FSTL5: variants seen among roughly 807,000 people sequenced by gnomAD.
The protein encoded by FSTL5 is follistatin like 5, also known as follistatin-related protein 5.
In FSTL5, 62 loss-of-function variants were observed where a neutral mutation model predicts 89.1. The observed-to-expected ratio is 0.70, with a 90% CI of 0.57 to 0.86. FSTL5 has a LOEUF of 0.86. Among genes scored for constraint, FSTL5 ranks in the 40% least tolerant of loss-of-function variants. The probability of loss-of-function intolerance (pLI) is 0.00; values close to 1 mark genes in which losing one functional copy is unlikely to be tolerated. For synonymous variants in FSTL5, 383 were observed against 346.2 expected (o/e 1.11, Z -1.18); for missense variants, 1,057 against 1,001.6 (o/e 1.06, Z -0.75).
At chr4:161,390,388 C>T (rs1039399603) in intron 15 of FSTL5, among the ~76,000 whole-genome samples, 1 of 151,904 alleles carries the variant, frequency 6.6e-6, no homozygotes, top group African/African-American at 2.4e-5. Flanking sequence ...GTTATTTGGC[C>T]GAGGAAGGAA....
intron 1 of FSTL5, among the ~76,000 whole-genome samples, chr4:162,117,384 G>T (rs908879404): frequency 3.9e-5 from 6 of 152,188 alleles, no homozygotes; most frequent in Non-Finnish European, 8.8e-5. Context: ...TTTTGGAGAT[G>T]CCTTTTGGTA....
At chr4:162,070,378 T>A (rs1051462943) in intron 2 of FSTL5, among the ~76,000 whole-genome samples, 1 of 151,902 alleles carries the variant, frequency 6.6e-6, no homozygotes, top group African/African-American at 2.4e-5. Context: ...ATATCTTTTG[T>A]CTATTTTTGT....
intron 7 of FSTL5, among the ~76,000 whole-genome samples, chr4:161,637,752 T>C (rs1373713654): frequency 8.4e-6 from 1 of 118,966 alleles, no homozygotes; most frequent in African/African-American, 4.0e-5. Context: ...TTTCTCAGGT[T>C]TGTCAAAGAT....
intron 11 of FSTL5, among the ~76,000 whole-genome samples, chr4:161,502,302 C>T (rs1454018069): frequency 6.6e-6 from 1 of 151,864 alleles, no homozygotes; most frequent in South Asian, 2.1e-4. Context: ...CCACTAAATA[C>T]CACTTAATCC....
chr4:161,962,919 A>T (rs961909984), intron 3 of FSTL5, among the ~76,000 whole-genome samples: 2 of 151,968 alleles, frequency 1.3e-5, no homozygotes, highest in African/African-American at 4.8e-5. Context: ...TAGATTCATG[A>T]TTTTCACAGC....
intron 6 of FSTL5, among the ~76,000 whole-genome samples, chr4:161,712,074 ATG>A (rs959585009): frequency 6.6e-6 from 1 of 152,116 alleles, no homozygotes; most frequent in Non-Finnish European, 1.5e-5. Context: ...AAGAAAAAAC[ATG>A]TGTTTGTTAC....
intron 10 of FSTL5, among the ~76,000 whole-genome samples, chr4:161,532,280 G>A (rs1158074912): frequency 6.6e-6 from 1 of 151,808 alleles, no homozygotes; most frequent in African/African-American, 2.4e-5. Flanking sequence ...ACTATGACAA[G>A]TGCTTTATAC....
chr4:161,504,790 T>C (rs1169612199), intron 11 of FSTL5, among the ~76,000 whole-genome samples: 2 of 152,040 alleles, frequency 1.3e-5, no homozygotes, highest in African/African-American at 2.4e-5. Context: ...CCTTTGGGAA[T>C]GGGAACCACT....
chr4:162,116,015 A>G (rs1429010413), intron 1 of FSTL5, among the ~76,000 whole-genome samples: 1 of 151,838 alleles, frequency 6.6e-6, no homozygotes, highest in African/African-American at 2.4e-5. Context: ...TTGAATGAAA[A>G]GAGTGTCGAG....
At chr4:161,647,334 T>G (rs961831785) in intron 7 of FSTL5, among the ~76,000 whole-genome samples, 1 of 152,186 alleles carries the variant, frequency 6.6e-6, no homozygotes. Context: ...TGTATATTGT[T>G]CCATAGGTCA....
At chr4:162,021,812 G>A (rs1326947377) in intron 3 of FSTL5, among the ~76,000 whole-genome samples, 1 of 151,874 alleles carries the variant, frequency 6.6e-6, no homozygotes, top group African/African-American at 2.4e-5. Context: ...AGAAGTTATG[G>A]CTGGGCACGA....
chr4:161,639,026 AC>A (rs1735842445), intron 7 of FSTL5, among the ~76,000 whole-genome samples: 2 of 151,312 alleles, frequency 1.3e-5, no homozygotes, highest in South Asian at 4.2e-4. Context: ...TCTATGACAA[AC>A]CCACAGCCAA....
At chr4:161,708,042 T>C (rs753494929) in intron 6 of FSTL5, among the ~76,000 whole-genome samples, 11 of 152,178 alleles carry the variant, frequency 7.2e-5, no homozygotes, top group Non-Finnish European at 1.5e-4. Flanking sequence ...TGAGTGCATG[T>C]ATTACAATAT....
chr4:162,043,218 C>T (rs16999402), intron 2 of FSTL5: 1 of 152,104 alleles, frequency 6.6e-6, no homozygotes, highest in Non-Finnish European at 1.5e-5. Context: ...TTGACACGAA[C>T]TATGGGGAAG....
At chr4:161,536,147 T>C (rs1032301599) in intron 10 of FSTL5, among the ~76,000 whole-genome samples, 2 of 152,112 alleles carry the variant, frequency 1.3e-5, no homozygotes, top group East Asian at 3.9e-4. Flanking sequence ...CTATGCTCAC[T>C]ACCTGGATGA....
At chr4:161,824,511 A>C (rs1730605746) in intron 4 of FSTL5, among the ~76,000 whole-genome samples, 2 of 151,958 alleles carry the variant, frequency 1.3e-5, no homozygotes, top group South Asian at 4.1e-4. Context: ...TTTTGGTTTC[A>C]TATAAATTTT....
At chr4:161,669,602 G>A (rs1268346275) in intron 6 of FSTL5, among the ~76,000 whole-genome samples, 1 of 151,728 alleles carries the variant, frequency 6.6e-6, no homozygotes, top group Non-Finnish European at 1.5e-5. Flanking sequence ...AAAAAAAAAT[G>A]ACACTAGACA....
intron 7 of FSTL5, among the ~76,000 whole-genome samples, chr4:161,615,882 C>T (rs1268064409): frequency 6.6e-6 from 1 of 152,054 alleles, no homozygotes; most frequent in Admixed American, 6.6e-5. Flanking sequence ...CTTTAATAGG[C>T]TAATGTGACA....
chr4:161,455,987 T>A (rs1733339383), intron 14 of FSTL5, among the ~76,000 whole-genome samples: 1 of 152,220 alleles, frequency 6.6e-6, no homozygotes, highest in Admixed American at 6.5e-5. Flanking sequence ...GACAAGATTT[T>A]ATTTTATAAT....
Sources: gnomAD v4.1 joint callset for allele counts (sites outside exome capture counted in the v4.1 genomes callset) on GRCh38, gnomAD v4.1.1 for gene constraint, MANE v1.5 for transcripts, NCBI Gene and HGNC (gene_info 2026-07-23, HGNC 2026-07-21) for gene names.